The following GALNT13 variants were observed in gnomAD, a reference collection of about 807,000 sequenced individuals.
GALNT13 encodes polypeptide N-acetylgalactosaminyltransferase 13, also known as UDP-GalNAc:polypeptide N-acetylgalactosaminyltransferase 13.
A neutral mutation model predicts 64.2 loss-of-function variants in GALNT13; 28 were observed. The observed-to-expected ratio is 0.44, with a 90% CI of 0.32 to 0.60. GALNT13 has a LOEUF of 0.60. GALNT13 is among the 20% of genes least tolerant of loss of function. The pLI, the probability that GALNT13 is intolerant of heterozygous loss-of-function variation, is 0.05. For missense variants in GALNT13, 577 were observed against 669.8 expected (o/e 0.86, Z 1.53); for synonymous variants, 214 against 224.6 (o/e 0.95, Z 0.42).
At chr2:153,383,716 T>C in the GALNT13 span, among the ~76,000 whole-genome samples, 1 of 152,176 alleles carries the variant, frequency 6.6e-6, no homozygotes, top group South Asian at 2.1e-4. Flanking sequence ...GATTGATTGT[T>C]CAGTAGATTC....
intron 3 of GALNT13, among the ~76,000 whole-genome samples, chr2:154,074,027 A>G (rs1479114985): frequency 6.6e-6 from 1 of 151,840 alleles, no homozygotes. Flanking sequence ...TTTTATGTAT[A>G]TTAATGTTTT....
At chr2:154,159,188 G>A (rs1223093889) in intron 4 of GALNT13, among the ~76,000 whole-genome samples, 1 of 151,720 alleles carries the variant, frequency 6.6e-6, no homozygotes, top group Non-Finnish European at 1.5e-5. Flanking sequence ...AGGCTGGAAT[G>A]CAATGGCACT....
At chr2:154,288,890 AG>A (rs969217383) in intron 8 of GALNT13, among the ~76,000 whole-genome samples, 1 of 152,200 alleles carries the variant, frequency 6.6e-6, no homozygotes, top group Non-Finnish European at 1.5e-5. Flanking sequence ...CTACCATTCT[AG>A]GGTCTGGAGG....
chr2:153,574,748 C>G, the GALNT13 span, among the ~76,000 whole-genome samples: 12 of 146,970 alleles, frequency 8.2e-5, no homozygotes, highest in East Asian at 2.0e-3. Context: ...TGGTGGAATT[C>G]TGAATTCTTT....
intron 3 of GALNT13, among the ~76,000 whole-genome samples, chr2:154,109,472 TC>T (rs1702811076): frequency 6.6e-6 from 1 of 152,126 alleles, no homozygotes; most frequent in African/African-American, 2.4e-5. Context: ...TTTTTTTTTC[TC>T]TTATCTTATT....
At chr2:153,410,157 C>T in the GALNT13 span, among the ~76,000 whole-genome samples, 2,282 of 152,222 alleles carry the variant, frequency 0.015, 52 homozygotes, top group African/African-American at 0.052. Context: ...AATATCACAA[C>T]TCACTGTAGT....
the GALNT13 span, among the ~76,000 whole-genome samples, chr2:153,455,699 A>G: frequency 2.0e-5 from 3 of 152,080 alleles, no homozygotes; most frequent in Non-Finnish European, 2.9e-5. Context: ...CTGTCCGCGG[A>G]CAGCTTAAGT....
At chr2:153,745,613 T>A in the GALNT13 span, among the ~76,000 whole-genome samples, 7 of 152,326 alleles carry the variant, frequency 4.6e-5, no homozygotes, top group South Asian at 8.3e-4. Context: ...TAGTTTTGGA[T>A]TTATTCTTAT....
In GALNT13 at chr2:153,996,814, G is replaced by T. The variant is rs756819284; in HGVS notation, c.142+52175G>T. ...TTTTGTAGTTACAGGTCTTATATTTGAGTCTTTAATCCATTTTGAGTTCAT... is the reference window on the plus strand; with the variant it reads ...TTTTGTAGTTACAGGTCTTATATTTTAGTCTTTAATCCATTTTGAGTTCAT... On this transcript the variant is annotated intron_variant, in intron 3 of 12. Transcript: ENST00000392825. Among the ~76,000 whole-genome samples, 69 of 152,086 alleles carry T rather than the reference G, an allele frequency of 4.5e-4. 1 individual carries two copies. Among genetic ancestry groups the T allele is most frequent in the Admixed American group, 1.8e-3 (28 of 15,252 alleles).
the GALNT13 span, among the ~76,000 whole-genome samples, chr2:153,752,215 C>A: frequency 1.8e-4 from 27 of 151,988 alleles, no homozygotes; most frequent in African/African-American, 6.3e-4. Flanking sequence ...AGTTATTATT[C>A]TTGATTGGTT....
chr2:154,414,683 G>T (rs972395177), intron 11 of GALNT13, among the ~76,000 whole-genome samples: 3 of 151,722 alleles, frequency 2.0e-5, no homozygotes, highest in Non-Finnish European at 4.4e-5. Context: ...TTTCCATTGG[G>T]GGTTGAAAGG....
chr2:153,401,319 AT>A, the GALNT13 span, among the ~76,000 whole-genome samples: 1 of 151,666 alleles, frequency 6.6e-6, no homozygotes, highest in Admixed American at 6.6e-5. Flanking sequence ...GTTCTTTTAC[AT>A]TTGCTGAGGA....
chr2:153,088,392 A>G, the GALNT13 span, among the ~76,000 whole-genome samples: 2 of 151,294 alleles, frequency 1.3e-5, no homozygotes, highest in Admixed American at 6.6e-5. Context: ...TATATGGCCT[A>G]TCTTGGAGAA....
chr2:153,543,229 C>T, the GALNT13 span, among the ~76,000 whole-genome samples: 542 of 152,072 alleles, frequency 3.6e-3, 3 homozygotes, highest in Middle Eastern at 0.024. Flanking sequence ...AAATGGAGAC[C>T]ACAAAGGAGA....
At chr2:153,439,651 T>G in the GALNT13 span, among the ~76,000 whole-genome samples, 1 of 152,186 alleles carries the variant, frequency 6.6e-6, no homozygotes, top group South Asian at 2.1e-4. Flanking sequence ...GTGTGCCGTT[T>G]GTTAAGCCTG....
At chr2:153,074,726 G>A in the GALNT13 span, among the ~76,000 whole-genome samples, 1 of 152,098 alleles carries the variant, frequency 6.6e-6, no homozygotes, top group Non-Finnish European at 1.5e-5. Context: ...GTTTCAATTT[G>A]TTATAATAGT....
chr2:153,479,254 G>T, the GALNT13 span, among the ~76,000 whole-genome samples: 2 of 152,306 alleles, frequency 1.3e-5, no homozygotes, highest in South Asian at 2.1e-4. Context: ...ACTCCGACTC[G>T]CCTGCGTTGG....
At chr2:154,123,465 A>G (rs1358525687) in intron 3 of GALNT13, among the ~76,000 whole-genome samples, 1 of 151,994 alleles carries the variant, frequency 6.6e-6, no homozygotes, top group Non-Finnish European at 1.5e-5. Flanking sequence ...TTTCCTATTT[A>G]TAAAATCAAT....
chr2:154,399,695 C>T (rs574972887), intron 10 of GALNT13, among the ~76,000 whole-genome samples: 11 of 152,198 alleles, frequency 7.2e-5, no homozygotes, highest in African/African-American at 2.6e-4. Flanking sequence ...TAGATTTCAC[C>T]ATGAATTTTG....
Sources: gnomAD v4.1 joint callset for allele counts (sites outside exome capture counted in the v4.1 genomes callset) on GRCh38, gnomAD v4.1.1 for gene constraint, MANE v1.5 for transcripts, NCBI Gene and HGNC (gene_info 2026-07-23, HGNC 2026-07-21) for gene names.